Variants in PEX14 observed in about 807,000 individuals in gnomAD.
PEX14 encodes the protein peroxisomal biogenesis factor 14, also known as peroxisomal membrane protein PEX14.
A neutral mutation model predicts 49.5 loss-of-function variants in PEX14; 15 were observed. The observed-to-expected ratio is 0.30, with a 90% CI of 0.20 to 0.47. The LOEUF (loss-of-function observed/expected upper bound fraction) is 0.47, where lower values mean the gene tolerates loss of function less well. Ranked by LOEUF, PEX14 falls within the 20% of genes least tolerant of loss-of-function variation. PEX14 has a pLI of 1.00. For synonymous variants in PEX14, 210 were observed against 212.7 expected, an observed-to-expected ratio of 0.99 and a Z score of 0.11; for missense variants, 398 against 494.8, an observed-to-expected ratio of 0.80 and a Z score of 1.86.
intron 4 of PEX14, among the ~76,000 whole-genome samples, chr1:10,609,866 C>T (rs2124619605): frequency 6.6e-6 from 1 of 151,988 alleles, no homozygotes; most frequent in South Asian, 2.1e-4. Flanking sequence ...GCCTGGGTGA[C>T]CGAACGAAGC....
At chr1:10,536,499 G>A (rs1358683396) in intron 3 of PEX14, 3 of 595,236 alleles carry the variant, frequency 5.0e-6, no homozygotes, top group African/African-American at 3.7e-5. Context: ...GACACGATTC[G>A]GGTAATTAAG....
rs1638595470 is a variant in PEX14, at chr1:10,529,885, T to G, written c.85-6328T>G. ...GCCCACAAGCTTAATTAGTATAGTG[T>G]TGTAACCCAAATCAACAATGGGAAG... On this transcript the variant is annotated intron_variant, in intron 2 of 8. Coordinates refer to ENST00000356607, the MANE Select transcript of PEX14 (RefSeq NM_004565.3). This position sits in a 1 kb window ranked among gnomAD's most constrained non-coding sequence, Gnocchi z 4.2. Among the ~76,000 whole-genome samples, 1 of 152,186 alleles carries G rather than the reference T, an allele frequency of 6.6e-6. No homozygotes were observed. The highest frequency in any genetic ancestry group is 2.4e-5 in the African/African-American group (1 of 41,444).
At chr1:10,502,363 T>C (rs1401213757) in intron 2 of PEX14, among the ~76,000 whole-genome samples, 1 of 152,140 alleles carries the variant, frequency 6.6e-6, no homozygotes, top group Non-Finnish European at 1.5e-5. Context: ...TTCTGGGTGG[T>C]TATGATCTCT....
At position 10,618,289 on chromosome 1, in the gene PEX14, C is replaced by T. The variant is rs536996984; in HGVS notation, c.299-43C>T. On this transcript the variant is annotated intron_variant, in intron 4 of 8. Coordinates refer to ENST00000356607, the MANE Select transcript of PEX14 (RefSeq NM_004565.3). ...GTGCCAGCCCCCACCCGAAGAAGGA[C>T]GCCATGTGCGTCTTCTAACCCTCCT... 136 of 1,514,480 alleles carry T rather than the reference C, an allele frequency of 9.0e-5. No homozygotes were observed. In the South Asian group the frequency reaches 1.1e-3, roughly 13 times the overall value. The allele number at this position is 1,514,480 out of a possible 1,614,324, so 93.8% of individuals were successfully genotyped here.
chr1:10,607,147 T>C (rs866292687), intron 4 of PEX14, among the ~76,000 whole-genome samples: 4 of 152,304 alleles, frequency 2.6e-5, no homozygotes, highest in Middle Eastern at 6.8e-3. Context: ...TATTGTACTC[T>C]CTTGTTTCTA....
At chr1:10,485,299 GT>G (rs941970919) in intron 1 of PEX14, among the ~76,000 whole-genome samples, 6,411 of 100,702 alleles carry the variant, frequency 0.064, 483 homozygotes, top group African/African-American at 0.2. Flanking sequence ...TTTGTGTGTG[GT>G]TTTTTTTTTT....
At chr1:10,536,361 G>A in intron 3 of PEX14, 64 bp downstream of exon 3, 1 of 1,009,978 alleles carries the variant, frequency 9.9e-7, no homozygotes, top group Non-Finnish European at 1.6e-6. Context: ...GCAGATGGAA[G>A]CCACGGTGCA....
chr1:10,525,806 A>G (rs1390374557), intron 2 of PEX14, among the ~76,000 whole-genome samples: 1 of 150,210 alleles, frequency 6.7e-6, no homozygotes, highest in African/African-American at 2.5e-5. Flanking sequence ...TTGTATTTTT[A>G]GTATAGATGG....
chr1:10,605,946 G>A (rs930075625), intron 4 of PEX14, among the ~76,000 whole-genome samples: 3 of 152,162 alleles, frequency 2.0e-5, no homozygotes, highest in African/African-American at 4.8e-5. Flanking sequence ...AATGCCATTC[G>A]CGGATGTTGA....
At chr1:10,547,740 A>G (rs1347107994) in intron 3 of PEX14, among the ~76,000 whole-genome samples, 1 of 152,212 alleles carries the variant, frequency 6.6e-6, no homozygotes, top group Non-Finnish European at 1.5e-5. Flanking sequence ...AAGCAAAACC[A>G]CAGATAAAGG....
At chr1:10,543,900 C>T (rs1317965664) in intron 3 of PEX14, among the ~76,000 whole-genome samples, 3 of 152,238 alleles carry the variant, frequency 2.0e-5, no homozygotes, top group South Asian at 2.1e-4. Flanking sequence ...GCACCTGGCC[C>T]ATGGAGCACA....
chr1:10,511,344 T>A (rs1641879167), intron 2 of PEX14, among the ~76,000 whole-genome samples: 1 of 152,182 alleles, frequency 6.6e-6, no homozygotes, highest in African/African-American at 2.4e-5. Flanking sequence ...TGTCCCTCCC[T>A]TCCTTCCTGC....
rs901422374 is a variant in PEX14, at chr1:10,614,343, T to C, written c.299-3989T>C. Among the ~76,000 whole-genome samples, 3 of 152,188 alleles carry C rather than the reference T, an allele frequency of 2.0e-5. No individual in the cohort carries two copies. In the East Asian group the frequency reaches 5.8e-4, roughly 29 times the overall value. On this transcript the variant is annotated intron_variant, in intron 4 of 8. Coordinates refer to ENST00000356607, the MANE Select transcript of PEX14 (RefSeq NM_004565.3). ...GATCATTCTGGTCCCTTTTCATTAA[T>C]AATGAAAACCAGGGGGCAATAAAAT...
chr1:10,514,606 G>A lies in PEX14; in HGVS notation c.84+19285G>A, dbSNP rs1641941246. Among the ~76,000 whole-genome samples the A allele has an allele frequency of 6.6e-6, 1 of 152,150 alleles. No homozygotes were observed. Among genetic ancestry groups the A allele is most frequent in the Non-Finnish European group, 1.5e-5 (1 of 68,026 alleles). ...GTTGGGATTGAACTAATAGGCCATT[G>A]GGTGTCACTGTCGCTCTACTGGCTA... On this transcript the variant is annotated intron_variant, in intron 2 of 8. Coordinates refer to ENST00000356607, the MANE Select transcript of PEX14 (RefSeq NM_004565.3). This position sits in a 1 kb window ranked among gnomAD's most constrained non-coding sequence, Gnocchi z 4.4.
chr1:10,562,714 T>C (rs1237761877), intron 3 of PEX14, among the ~76,000 whole-genome samples: 1 of 152,212 alleles, frequency 6.6e-6, no homozygotes, highest in Non-Finnish European at 1.5e-5. Flanking sequence ...TGCAGAGTTA[T>C]ATTTTTTCCC....
Position 10,539,395 on chromosome 1 carries a change from G to T in PEX14, c.169+3098G>T, listed in dbSNP as rs1172316340. ...TCTTTGAAGTTTGTACTGCCATTTT[G>T]TGTAATTTACAACATTTCTTCCTTT... On this transcript the variant is annotated intron_variant, in intron 3 of 8. Coordinates refer to ENST00000356607, the MANE Select transcript of PEX14 (RefSeq NM_004565.3). The surrounding 1 kb of genome is among the most constrained non-coding windows in gnomAD (Gnocchi z 4.6). Among the ~76,000 whole-genome samples the T allele has an allele frequency of 6.6e-6, 1 of 152,162 alleles. No homozygotes were observed. The highest frequency in any genetic ancestry group is 1.5e-5 in the Non-Finnish European group (1 of 68,022).
intron 1 of PEX14, among the ~76,000 whole-genome samples, chr1:10,477,442 A>C (rs1277904084): frequency 6.6e-6 from 1 of 152,272 alleles, no homozygotes; most frequent in East Asian, 1.9e-4. Flanking sequence ...TGAATGAACC[A>C]ATGCTCTTCA....
chr1:10,484,029 T>C lies in PEX14; in HGVS notation c.36+9027T>C, dbSNP rs1464021633. ...CAGTAATTATCAGTAATGAATTACC[T>C]TTTTTTTTTTTTTTTTGAGATGGTA... On this transcript the variant is annotated intron_variant, in intron 1 of 8. Coordinates refer to ENST00000356607, the MANE Select transcript of PEX14 (RefSeq NM_004565.3). Among the ~76,000 whole-genome samples the C allele has an allele frequency of 8.1e-5, 10 of 122,844 alleles. 2 individuals carry two copies. The highest frequency in any genetic ancestry group is 4.5e-4 in the African/African-American group (10 of 22,054). The allele number at this position is 122,844 out of a possible 152,430, so 80.6% of individuals were successfully genotyped here. A position where few individuals can be genotyped will look rare whatever the true frequency, so the allele number is the denominator to read the frequency against.
chr1:10,529,451 C>T lies in PEX14; in HGVS notation c.85-6762C>T, dbSNP rs186302334. ...CACTGTCCCTTGACATTAAATAGTGCGTGGTGGTTTAAGATGCTTTTTATT... is the reference window on the plus strand; with the variant it reads ...CACTGTCCCTTGACATTAAATAGTGTGTGGTGGTTTAAGATGCTTTTTATT... On this transcript the variant is annotated intron_variant, in intron 2 of 8. Transcript: ENST00000356607. The surrounding 1 kb of genome is among the most constrained non-coding windows in gnomAD (Gnocchi z 4.2). Among the ~76,000 whole-genome samples the T allele has an allele frequency of 1.3e-5, 2 of 152,318 alleles. No individual in the cohort carries two copies. The highest frequency in any genetic ancestry group is 6.5e-5 in the Admixed American group (1 of 15,296).
Sources: gnomAD v4.1 joint callset for allele counts (sites outside exome capture counted in the v4.1 genomes callset) on GRCh38, gnomAD v4.1.1 for gene constraint, Gnocchi (gnomAD v3.1) non-coding constraint, MANE v1.5 for transcripts, NCBI Gene and HGNC (gene_info 2026-07-23, HGNC 2026-07-21) for gene names.